Variants in BRD1 observed in about 807,000 individuals in gnomAD.
BRD1 encodes the protein bromodomain containing 1.
A neutral mutation model predicts 107.7 loss-of-function variants in BRD1; 24 were observed. The observed-to-expected ratio is 0.22, with a 90% CI of 0.16 to 0.31. The LOEUF (loss-of-function observed/expected upper bound fraction) is 0.31. BRD1 is among the 10% of genes least tolerant of loss of function. The pLI, the probability that BRD1 is intolerant of heterozygous loss-of-function variation, is 1.00. For synonymous variants in BRD1, 744 were observed against 686.1 expected, an observed-to-expected ratio of 1.08 and a Z score of -1.32; for missense variants, 1,279 against 1,638.6, an observed-to-expected ratio of 0.78 and a Z score of 3.79.
In BRD1 at chr22:49,823,371, C is replaced by A; in HGVS notation, c.947G>T (p.Arg316Met). ...TVFIEPIDGV[R>M]NIPPARWKLT... ...TTTCCACCGGGCTGGAGGGATGTTCCTCACCCCATCGATGGGCTCGATGAA... is the reference window on the plus strand; with the variant it reads ...TTTCCACCGGGCTGGAGGGATGTTCATCACCCCATCGATGGGCTCGATGAA... The change falls in exon 2 of 13, where the codon AGG becomes ATG. Residue 316 changes from arginine (R) to methionine (M), a missense_variant. Physicochemically the swap from Arg to Met is moderately conservative, Grantham distance 91. Around this residue, in one of 7 missense-constraint regions of BRD1, gnomAD observed 158 missense variants for 310.2 expected, o/e 0.51. Transcript: ENST00000404760. The A allele has an allele frequency of 6.2e-7, 1 of 1,614,014 alleles. No homozygotes were observed. Among genetic ancestry groups the A allele is most frequent in the Non-Finnish European group, 8.5e-7 (1 of 1,180,036 alleles).
chr22:49,817,361 T>C (rs566765611), intron 2 of BRD1: 1 of 186,368 alleles, frequency 5.4e-6, no homozygotes, highest in African/African-American at 2.4e-5. Context: ...TGTGAGATAG[T>C]TCAAGTTCAG....
Position 49,798,604 on chromosome 22 carries a change from T to G in BRD1, c.1739A>C (p.Asp580Ala). 1 of 1,614,172 alleles carries G rather than the reference T, an allele frequency of 6.2e-7. No individual in the cohort carries two copies. Among genetic ancestry groups the G allele is most frequent in the Non-Finnish European group, 8.5e-7 (1 of 1,180,026 alleles). The change falls in exon 5 of 13, where the codon GAC becomes GCC. Residue 580 changes from aspartate to alanine, a missense_variant. This residue lies in a region of BRD1 where 406 missense variants were observed against 519.4 expected (regional missense o/e 0.78). Transcript: ENST00000404760. ...LLRSVLDQLQ[D>A]KDPARIFAQP... ...CGCAAATATCCTGGCGGGGTCCTTGTCTTGCAGCTGGTCCAGCACTGAGCG... is the reference window on the plus strand; with the variant it reads ...CGCAAATATCCTGGCGGGGTCCTTGGCTTGCAGCTGGTCCAGCACTGAGCG...
Position 49,787,402 on chromosome 22 carries a change from G to A in BRD1, c.2845C>T (p.Arg949Cys), listed in dbSNP as rs139630692. Residue 949 changes from arginine (R) to cysteine (C), a missense_variant, in exon 8 of 13, where the codon CGC becomes TGC. By Grantham distance (180) the Arg-to-Cys change is radical (BLOSUM62 -3). Transcript: ENST00000404760. ...CCGCGGCATTTACCTGCGTCCAGGC[G>A]CTTTCCTGGGGACTCCTCCTCCACC... ...SEVEEESPGK[R>C]LDAGLTNGFG... The A allele has an allele frequency of 1.1e-3, 1,742 of 1,608,594 alleles. 4 individuals are homozygous for A. Among genetic ancestry groups the A allele is most frequent in the Non-Finnish European group, 1.4e-3 (1,693 of 1,177,946 alleles).
intron 8 of BRD1, among the ~76,000 whole-genome samples, chr22:49,786,938 T>C (rs1466354269): frequency 6.6e-6 from 1 of 151,634 alleles, no homozygotes; most frequent in Non-Finnish European, 1.5e-5. Context: ...TACCAAAAAT[T>C]TTCAAATTAG....
intron 7 of BRD1, among the ~76,000 whole-genome samples, chr22:49,793,713 C>G (rs886942251): frequency 6.6e-6 from 1 of 152,248 alleles, no homozygotes; most frequent in Non-Finnish European, 1.5e-5. Context: ...CTCTTCAACA[C>G]AGTGTAAGAT....
rs1393151036 is a variant in BRD1 at position 49,824,710 on chromosome 22, C to T, written c.-14-379G>A. On this transcript the variant is annotated intron_variant, in intron 1 of 12. Transcript: ENST00000404760. The surrounding 1 kb of genome is among the most constrained non-coding windows in gnomAD (Gnocchi z 5.9). ...GGACTTTCCCAGCATGCAGGCGGTC[C>T]CCCAGGAAGTCCACATACAGGGCTG... The T allele has an allele frequency of 9.3e-7, 1 of 1,081,030 alleles. No homozygotes were observed. Among genetic ancestry groups the T allele is most frequent in the Non-Finnish European group, 1.1e-6 (1 of 887,720 alleles). The allele number at this position is 1,081,030 out of a possible 1,614,324, so 67.0% of individuals were successfully genotyped here. A position where few individuals can be genotyped will look rare whatever the true frequency, so the allele number is the denominator to read the frequency against.
At chr22:49,821,171 C>A (rs1193873810) in intron 2 of BRD1, among the ~76,000 whole-genome samples, 1 of 152,200 alleles carries the variant, frequency 6.6e-6, no homozygotes, top group Non-Finnish European at 1.5e-5. Flanking sequence ...ACATCAGGAG[C>A]CAAAGAACAG....
chr22:49,818,998 C>A (rs934037423), intron 2 of BRD1, among the ~76,000 whole-genome samples: 2 of 152,070 alleles, frequency 1.3e-5, no homozygotes, highest in Non-Finnish European at 2.9e-5. Flanking sequence ...TGGTTCACGC[C>A]TGTAATCTCA....
Position 49,799,100 on chromosome 22 carries a change from A to C in BRD1, c.1544T>G (p.Met515Arg). 1 of 1,608,624 alleles carries C rather than the reference A, an allele frequency of 6.2e-7. No individual in the cohort carries two copies. The highest frequency in any genetic ancestry group is 8.5e-7 in the Non-Finnish European group (1 of 1,179,860). Reference sequence around the variant, plus strand: ...CTTCAGCTTCTCTTTGGCAGCCTTCATCTCCTCATCATTTTCTCTCTGAGA... The same window carrying C: ...CTTCAGCTTCTCTTTGGCAGCCTTCCTCTCCTCATCATTTTCTCTCTGAGA... ...SSQQRENDEE[M>R]KAAKEKLKYW... Residue 515 changes from methionine (M) to arginine (R), a missense_variant, in exon 4 of 13, where the codon ATG (methionine) becomes AGG (arginine). Transcript: ENST00000404760.
intron 2 of BRD1, among the ~76,000 whole-genome samples, chr22:49,811,841 G>A (rs969493995): frequency 2.6e-5 from 4 of 152,218 alleles, no homozygotes; most frequent in African/African-American, 9.6e-5. Context: ...TCAGCCGGCG[G>A]TGCTGAGTCT....
chr22:49,789,476 TC>T (rs1433914335), intron 7 of BRD1, among the ~76,000 whole-genome samples: 1 of 151,430 alleles, frequency 6.6e-6, no homozygotes, highest in Admixed American at 6.6e-5. Context: ...TGCCTCCTCT[TC>T]CACCTCCTAG....
At position 49,818,201 on chromosome 22, in the gene BRD1, G is replaced by C. The variant is rs907576561; in HGVS notation, c.1367+4750C>G. Reference sequence around the variant, plus strand: ...CCTCATTCGAATGAAGGTAGGAGGAGCACCCATCACAAAGCCTTGCCTATC... The same window carrying C: ...CCTCATTCGAATGAAGGTAGGAGGACCACCCATCACAAAGCCTTGCCTATC... On this transcript the variant is annotated intron_variant, in intron 2 of 12. Coordinates refer to ENST00000404760, the MANE Select transcript of BRD1 (RefSeq NM_001304808.3). 3 of 1,121,264 alleles carry C rather than the reference G, an allele frequency of 2.7e-6. No homozygotes were observed. The African/African-American group carries it at 4.9e-5, about 18-fold the overall frequency. The allele number at this position is 1,121,264 out of a possible 1,614,324, so 69.5% of individuals were successfully genotyped here. A position where few individuals can be genotyped will look rare whatever the true frequency, so the allele number is the denominator to read the frequency against.
At chr22:49,781,480 T>A (rs1396602526) in intron 8 of BRD1, among the ~76,000 whole-genome samples, 8 of 152,176 alleles carry the variant, frequency 5.3e-5, no homozygotes, top group Non-Finnish European at 1.5e-5. Context: ...CCCCAACCCA[T>A]GTGGACACCA....
chr22:49,799,594 G>A lies in BRD1; in HGVS notation c.1525-475C>T, dbSNP rs950249318. On this transcript the variant is annotated intron_variant, in intron 3 of 12. Coordinates refer to ENST00000404760, the MANE Select transcript of BRD1 (RefSeq NM_001304808.3). The stretch of plus-strand genomic sequence containing the variant: ...CATCCTGGCTTGGACAGAGCATGAC[G>A]GGGGCCTGGCACACAGCCGACCTGC... Among the ~76,000 whole-genome samples, 6 of 152,204 alleles carry A rather than the reference G, an allele frequency of 3.9e-5. No homozygotes were observed. In the South Asian group the frequency reaches 6.2e-4, roughly 16 times the overall value.
At chr22:49,788,084 C>A (rs552571331) in intron 7 of BRD1, among the ~76,000 whole-genome samples, 197 bp from the exon 8 acceptor site, 3 of 152,322 alleles carry the variant, frequency 2.0e-5, no homozygotes, top group East Asian at 1.9e-4. Flanking sequence ...CCAAAGGCTG[C>A]GGCCCTGGGT....
chr22:49,780,620 G>A (rs1166844050), intron 8 of BRD1, among the ~76,000 whole-genome samples: 2 of 152,292 alleles, frequency 1.3e-5, no homozygotes, highest in Non-Finnish European at 2.9e-5. Flanking sequence ...CCAGAACCTC[G>A]GGGGAGCTGC....
intron 6 of BRD1, 87 bp downstream of exon 6, chr22:49,797,718 C>T (rs1397637065): frequency 2.9e-6 from 4 of 1,392,912 alleles, no homozygotes; most frequent in East Asian, 2.4e-5. Context: ...CCGGACCATG[C>T]TGATAGGGAG....
At chr22:49,782,616 G>A (rs1385698644) in intron 8 of BRD1, among the ~76,000 whole-genome samples, 1 of 146,830 alleles carries the variant, frequency 6.8e-6, no homozygotes, top group Non-Finnish European at 1.5e-5. Context: ...CAGAACCAAG[G>A]CCCAGGCCAG....
chr22:49,795,646 T>C (rs1318932535), intron 6 of BRD1, among the ~76,000 whole-genome samples: 2 of 152,176 alleles, frequency 1.3e-5, no homozygotes, highest in Non-Finnish European at 2.9e-5. Flanking sequence ...TGATGCATCT[T>C]CCTGCTTTGA....
Sources: gnomAD v4.1 joint callset for allele counts (sites outside exome capture counted in the v4.1 genomes callset) on GRCh38, gnomAD v4.1.1 for gene constraint, gnomAD v4.1.1 regional missense constraint, Gnocchi (gnomAD v3.1) non-coding constraint, MANE v1.5 for transcripts, NCBI Gene and HGNC (gene_info 2026-07-23, HGNC 2026-07-21) for gene names.